Variants in ACKR2 observed in about 807,000 individuals in gnomAD.
The protein encoded by ACKR2 is C-C chemokine receptor D6.
For missense variants in ACKR2, 457 were observed against 477.3 expected, an observed-to-expected ratio of 0.96 and a Z score of 0.40; for synonymous variants, 207 against 192.2, an observed-to-expected ratio of 1.08 and a Z score of -0.64.
intron 2 of ACKR2, among the ~76,000 whole-genome samples, chr3:42,843,068 ATTT>A (rs1701056946): frequency 3.7e-5 from 4 of 109,506 alleles, no homozygotes; most frequent in Admixed American, 2.3e-4. Context: ...TTATTTATTT[ATTT>A]ATTATTCATT....
chr3:42,845,431 G>A (rs897197761), intron 2 of ACKR2, among the ~76,000 whole-genome samples: 3 of 151,958 alleles, frequency 2.0e-5, no homozygotes, highest in Non-Finnish European at 2.9e-5. Flanking sequence ...GCATGATCTC[G>A]GCTCACTGTA....
intron 2 of ACKR2, among the ~76,000 whole-genome samples, chr3:42,821,974 G>A (rs1009091668): frequency 1.3e-5 from 2 of 152,020 alleles, no homozygotes; most frequent in Non-Finnish European, 2.9e-5. Context: ...GGGATTACAG[G>A]CGTGAGCCAC....
intron 2 of ACKR2, among the ~76,000 whole-genome samples, chr3:42,826,035 C>T (rs908894608): frequency 6.6e-6 from 1 of 151,354 alleles, no homozygotes; most frequent in African/African-American, 2.4e-5. Context: ...TGTTGTCTTA[C>T]ATTGTTTGAG....
chr3:42,855,298 G>A (rs1397794169), intron 2 of ACKR2, among the ~76,000 whole-genome samples: 2 of 152,186 alleles, frequency 1.3e-5, no homozygotes, highest in African/African-American at 2.4e-5. Flanking sequence ...CTTGACTAGT[G>A]ACCCTGGTAA....
At chr3:42,811,380 G>A (rs1700692531) in intron 1 of ACKR2, among the ~76,000 whole-genome samples, 1 of 152,224 alleles carries the variant, frequency 6.6e-6, no homozygotes, top group African/African-American at 2.4e-5. Context: ...ATCTAGGGCT[G>A]TGCAGGGTGT....
intron 2 of ACKR2, among the ~76,000 whole-genome samples, chr3:42,822,813 CA>C (rs71072739): frequency 2.0e-3 from 160 of 81,890 alleles, no homozygotes; most frequent in African/African-American, 7.8e-3. Context: ...GACTCCAGCT[CA>C]AAAAAAAAAA....
intron 2 of ACKR2, among the ~76,000 whole-genome samples, chr3:42,859,317 C>T (rs1031226771): frequency 1.3e-5 from 2 of 152,010 alleles, no homozygotes; most frequent in Non-Finnish European, 2.9e-5. Flanking sequence ...ATCAGACTAA[C>T]AGCTGATCTC....
chr3:42,843,114 G>T (rs189197632), intron 2 of ACKR2, among the ~76,000 whole-genome samples: 26 of 148,976 alleles, frequency 1.7e-4, no homozygotes, highest in African/African-American at 5.5e-4. Context: ...TCTCTCTGTT[G>T]TCCAGGCTGG....
At chr3:42,828,072 C>CA in intron 2 of ACKR2, among the ~76,000 whole-genome samples, 1 of 88,378 alleles carries the variant, frequency 1.1e-5, no homozygotes, top group African/African-American at 3.8e-5. Flanking sequence ...AGGATGCTTG[C>CA]ATTATATATA....
chr3:42,813,334 G>C (rs969945615), intron 1 of ACKR2, among the ~76,000 whole-genome samples: 1 of 152,130 alleles, frequency 6.6e-6, no homozygotes, highest in African/African-American at 2.4e-5. Context: ...GTATTGGTCT[G>C]TTCTCGCAAT....
rs919247545 is a variant in ACKR2 at position 42,812,014 on chromosome 3, T to C, written c.-119+2482T>C. Among the ~76,000 whole-genome samples, 6 of 152,346 alleles carry C rather than the reference T, an allele frequency of 3.9e-5. No homozygotes were observed. The South Asian group carries it at 1.0e-3, about 26-fold the overall frequency. On this transcript the variant is annotated intron_variant, in intron 1 of 2. Coordinates refer to ENST00000422265, the MANE Select transcript of ACKR2 (RefSeq NM_001296.5). ...GATAGTGAAAATAGTAATCAATAAA[T>C]GCTGAAGGAACTCAGAGACCGGGGC...
Position 42,866,723 on chromosome 3 carries a change from A to G in ACKR2, c.*1066A>G, listed in dbSNP as rs1458130267. 1 of 167,046 alleles carries G rather than the reference A, an allele frequency of 6.0e-6. No individual in the cohort carries two copies. Among genetic ancestry groups the G allele is most frequent in the East Asian group, 1.9e-4 (1 of 5,200 alleles). 10.3% of individuals were successfully genotyped at this position (167,046 alleles called of 1,614,324 possible). On this transcript the variant is annotated 3_prime_UTR_variant, in exon 3 of 3. Coordinates refer to ENST00000422265, the MANE Select transcript of ACKR2 (RefSeq NM_001296.5). ...AAGGTCTCAATTAGCGTTATTGGCA[A>G]TTCTAGAATCAGGCAACAGACTCAT... is the stretch of plus-strand genomic sequence containing the variant.
intron 2 of ACKR2, among the ~76,000 whole-genome samples, chr3:42,833,590 T>C (rs1335771708): frequency 6.6e-6 from 1 of 152,170 alleles, no homozygotes; most frequent in Non-Finnish European, 1.5e-5. Context: ...TTCAGACTAG[T>C]CACATTTCAG....
rs138814099 is a variant in ACKR2, at chr3:42,848,841, G to A, written c.-37-15625G>A. Among the ~76,000 whole-genome samples the A allele has an allele frequency of 4.3e-3, 649 of 152,266 alleles. 1 individual carries two copies. The highest frequency in any genetic ancestry group is 7.2e-3 in the Non-Finnish European group (491 of 68,026). On this transcript the variant is annotated intron_variant, in intron 2 of 2. Transcript: ENST00000422265. ...TCTTTAAATTATGTACCTCTGATAC[G>A]TATACTGAGGACATAAGATCACTTC...
chr3:42,840,238 C>A (rs1156263965), intron 2 of ACKR2, among the ~76,000 whole-genome samples: 6 of 119,008 alleles, frequency 5.0e-5, no homozygotes, highest in African/African-American at 1.9e-4. Context: ...CCAGCTTGGG[C>A]GACAGAGCGA....
chr3:42,859,445 C>T (rs2088357746), intron 2 of ACKR2, among the ~76,000 whole-genome samples: 1 of 151,280 alleles, frequency 6.6e-6, no homozygotes, highest in Admixed American at 6.6e-5. Flanking sequence ...GTGGCGCGGT[C>T]TTGGCTCACT....
intron 2 of ACKR2, chr3:42,835,703 C>T (rs1700981983): frequency 6.6e-6 from 1 of 152,266 alleles, no homozygotes; most frequent in Non-Finnish European, 1.5e-5. Context: ...ACGAAGTCTA[C>T]TCTCAGTCTC....
chr3:42,827,068 A>G lies in ACKR2; in HGVS notation c.-38+7357A>G, dbSNP rs370555375. On this transcript the variant is annotated intron_variant, in intron 2 of 2. Coordinates refer to ENST00000422265, the MANE Select transcript of ACKR2 (RefSeq NM_001296.5). ...GTTATTGATTGAGTTTAATTCCATT[A>G]TGGTTGGAGAAGATATTATATATGG... is the stretch of plus-strand genomic sequence containing the variant. 1.1e-4 allele frequency among the ~76,000 whole-genome samples: 16 copies of G among 152,226 alleles called. 1 individual carries two copies. Among genetic ancestry groups the G allele is most frequent in the African/African-American group, 3.9e-4 (16 of 41,530 alleles).
At chr3:42,842,965 A>G (rs1701054402) in intron 2 of ACKR2, among the ~76,000 whole-genome samples, 1 of 144,242 alleles carries the variant, frequency 6.9e-6, no homozygotes, top group African/African-American at 2.5e-5. Context: ...AGCCTGGGTG[A>G]CAGAGTAAGA....
Sources: gnomAD v4.1 joint callset for allele counts (sites outside exome capture counted in the v4.1 genomes callset) on GRCh38, gnomAD v4.1.1 for gene constraint, MANE v1.5 for transcripts, NCBI Gene and HGNC (gene_info 2026-07-23, HGNC 2026-07-21) for gene names.